Variants in COL24A1 observed in about 807,000 individuals in gnomAD.
The protein encoded by COL24A1 is collagen type XXIV alpha 1 chain.
In COL24A1, 224 loss-of-function variants were observed where a neutral mutation model predicts 253.9. The ratio of observed to expected loss-of-function variants is 0.88; its 90% CI spans 0.79 to 0.99. COL24A1 has a LOEUF of 0.99. Among genes scored for constraint, COL24A1 ranks in the 50% least tolerant of loss-of-function variants. The pLI is 0.00. For synonymous variants in COL24A1, 685 were observed against 673.7 expected (o/e 1.02, Z -0.26); for missense variants, 2,131 against 2,068.5 (o/e 1.03, Z -0.59).
intron 2 of COL24A1, among the ~76,000 whole-genome samples, chr1:86,142,556 A>C (rs984990878): frequency 2.6e-5 from 4 of 151,752 alleles, no homozygotes; most frequent in African/African-American, 4.8e-5. Context: ...AACAAAAAAA[A>C]CAATTTAAAC....
rs117174837 is a variant in COL24A1, at chr1:86,116,300, C to T, written c.1492-922G>A. On this transcript the variant is annotated intron_variant, in intron 3 of 59. Coordinates refer to ENST00000370571, the MANE Select transcript of COL24A1 (RefSeq NM_152890.7). ...ATAGTACACGATTTCAAATTAGACACATCAGGGTTAAAATACTAGCCTCAC... is the reference window on the plus strand; with the variant it reads ...ATAGTACACGATTTCAAATTAGACATATCAGGGTTAAAATACTAGCCTCAC... 9.0e-3 allele frequency among the ~76,000 whole-genome samples: 1,369 copies of T among 152,270 alleles called. 24 individuals are homozygous for T. Among genetic ancestry groups the T allele is most frequent in the East Asian group, 0.074 (382 of 5,180 alleles).
In COL24A1 at chr1:86,065,294, G is replaced by A. The variant is rs572918540; in HGVS notation, c.1708-1535C>T. ...GCTTGATTTTCTTTGGCCAACACCT[G>A]TTTTTCAGATCAGAGTTAGTTTCCT... On this transcript the variant is annotated intron_variant, in intron 7 of 59. Coordinates refer to ENST00000370571, the MANE Select transcript of COL24A1 (RefSeq NM_152890.7). 2.6e-5 allele frequency among the ~76,000 whole-genome samples: 4 copies of A among 152,204 alleles called. No homozygotes were observed. In the South Asian group the frequency reaches 8.3e-4, roughly 32 times the overall value.
At chr1:85,797,484 C>T (rs544923747) in intron 47 of COL24A1, among the ~76,000 whole-genome samples, 1 of 152,202 alleles carries the variant, frequency 6.6e-6, no homozygotes, top group African/African-American at 2.4e-5. Context: ...GCTTTCTAAG[C>T]AGTGGAAATA....
intron 55 of COL24A1, among the ~76,000 whole-genome samples, chr1:85,747,905 A>T (rs770409874): frequency 1.3e-5 from 2 of 152,044 alleles, no homozygotes; most frequent in East Asian, 3.8e-4. Context: ...TTGCTTATAC[A>T]TGATTTTATT....
At chr1:85,948,422 G>C (rs536763645) in intron 24 of COL24A1, among the ~76,000 whole-genome samples, 1 of 149,662 alleles carries the variant, frequency 6.7e-6, no homozygotes, top group Non-Finnish European at 1.5e-5. Flanking sequence ...TACTCGGGAG[G>C]CTGAGGCAGG....
At chr1:86,108,990 G>C (rs1212651551) in intron 5 of COL24A1, among the ~76,000 whole-genome samples, 1 of 152,174 alleles carries the variant, frequency 6.6e-6, no homozygotes, top group African/African-American at 2.4e-5. Flanking sequence ...CAACCTAGAA[G>C]GGGGAGAAGA....
At chr1:86,067,794 G>A (rs1701599040) in intron 7 of COL24A1, among the ~76,000 whole-genome samples, 1 of 152,090 alleles carries the variant, frequency 6.6e-6, no homozygotes, top group South Asian at 2.1e-4. Flanking sequence ...TTGGAAAACT[G>A]CCTACATGCA....
intron 55 of COL24A1, among the ~76,000 whole-genome samples, chr1:85,760,344 C>T (rs447446): frequency 0.43 from 64,566 of 151,854 alleles, 14,378 homozygotes; most frequent in South Asian, 0.57. Context: ...CATGCCCGGC[C>T]GAAAGACATT....
chr1:86,029,365 T>A (rs778982024), intron 14 of COL24A1, among the ~76,000 whole-genome samples: 43 of 152,308 alleles, frequency 2.8e-4, no homozygotes, highest in African/African-American at 1.0e-3. Flanking sequence ...GACTTAACAA[T>A]TGTGGCTAGT....
chr1:85,747,904 C>T (rs1428125790), intron 55 of COL24A1, among the ~76,000 whole-genome samples: 1 of 151,950 alleles, frequency 6.6e-6, no homozygotes, highest in Non-Finnish European at 1.5e-5. Context: ...TTTGCTTATA[C>T]ATGATTTTAT....
intron 7 of COL24A1, among the ~76,000 whole-genome samples, chr1:86,067,957 C>T (rs1701611616): frequency 6.6e-6 from 1 of 152,138 alleles, no homozygotes; most frequent in Non-Finnish European, 1.5e-5. Flanking sequence ...GAATACATTC[C>T]TTAAGGAATG....
At chr1:86,132,328 T>TGATAGTA (rs1277856951) in intron 2 of COL24A1, among the ~76,000 whole-genome samples, 2 of 152,194 alleles carry the variant, frequency 1.3e-5, no homozygotes, top group Non-Finnish European at 2.9e-5. Context: ...CTGTTCACTG[T>TGATAGTA]GATAGTAGTT....
At chr1:85,961,388 G>T in intron 23 of COL24A1, 95 bp from the exon 24 acceptor site, 1 of 971,658 alleles carries the variant, frequency 1.0e-6, no homozygotes, top group Non-Finnish European at 1.6e-6. Context: ...TAATTATCTA[G>T]TCATAACCTA....
chr1:86,040,074 G>A (rs957568608), intron 12 of COL24A1, among the ~76,000 whole-genome samples: 1 of 152,130 alleles, frequency 6.6e-6, no homozygotes, highest in Admixed American at 6.6e-5. Context: ...CCAGATTCAA[G>A]TTCCGGCCTT....
intron 47 of COL24A1, among the ~76,000 whole-genome samples, chr1:85,801,760 C>T (rs539766281): frequency 5.6e-4 from 85 of 152,334 alleles, no homozygotes; most frequent in Middle Eastern, 3.4e-3. Flanking sequence ...TCATATTTGA[C>T]CTCCTCTCTC....
intron 56 of COL24A1, among the ~76,000 whole-genome samples, 186 bp downstream of exon 56, chr1:85,745,255 C>A: frequency 6.6e-6 from 1 of 151,978 alleles, no homozygotes; most frequent in Non-Finnish European, 1.5e-5. Flanking sequence ...ACAAAACATC[C>A]TACGCATATA....
intron 12 of COL24A1, among the ~76,000 whole-genome samples, chr1:86,036,302 C>T (rs542296013): frequency 5.3e-5 from 8 of 152,114 alleles, no homozygotes; most frequent in Non-Finnish European, 1.2e-4. Flanking sequence ...TGTATTGTTT[C>T]TCTTCTCACT....
intron 43 of COL24A1, among the ~76,000 whole-genome samples, chr1:85,825,295 A>T (rs1009416096): frequency 4.6e-5 from 7 of 152,062 alleles, no homozygotes; most frequent in East Asian, 1.9e-4. Context: ...GGTGTATATG[A>T]GCCACATTTT....
At chr1:85,926,601 G>C (rs1030887989) in intron 24 of COL24A1, among the ~76,000 whole-genome samples, 3 of 152,042 alleles carry the variant, frequency 2.0e-5, no homozygotes. Flanking sequence ...CTCACTCATA[G>C]GTGGGAATTG....
Sources: allele counts gnomAD v4.1 joint callset (sites outside exome capture counted in the v4.1 genomes callset), GRCh38; gene constraint gnomAD v4.1.1; transcripts MANE v1.5; gene names NCBI Gene and HGNC (gene_info 2026-07-23, HGNC 2026-07-21).